The following DSCAM variants were observed in gnomAD, a reference collection of about 807,000 sequenced individuals.
DSCAM encodes cell adhesion molecule DSCAM.
A neutral mutation model predicts 217.7 loss-of-function variants in DSCAM; 47 were observed. That is an observed-to-expected ratio of 0.22 (90% CI 0.17 to 0.28). The LOEUF (loss-of-function observed/expected upper bound fraction) is 0.28. DSCAM is among the 10% of genes least tolerant of loss of function. The pLI is 1.00. For synonymous variants in DSCAM, 1,056 were observed against 1,015.3 expected (o/e 1.04, Z -0.76); for missense variants, 2,080 against 2,618.3 (o/e 0.79, Z 4.49).
chr21:40,133,948 T>C lies in DSCAM; in HGVS notation c.3468A>G (p.Glu1156=), dbSNP rs925652145. The part of the protein sequence containing the change: ...TQPSLELDGL[E]KYTNYSIQVL... ...CCTGGATGCTGTAGTTGGTGTACTT[T>C]TCCAGCCCGTCCAGCTCCAGTGAAG... Residue 1156 remains glutamate, a synonymous_variant, in exon 19 of 33, where the codon GAA becomes GAG. Coordinates refer to ENST00000400454, the MANE Select transcript of DSCAM (RefSeq NM_001389.5). 1.2e-5 allele frequency: 20 copies of C among 1,613,638 alleles called. No individual in the cohort carries two copies. The highest frequency in any genetic ancestry group is 5.1e-6 in the Non-Finnish European group (6 of 1,179,784).
At chr21:40,342,253 T>C (rs990462393) in intron 6 of DSCAM, among the ~76,000 whole-genome samples, 3 of 151,340 alleles carry the variant, frequency 2.0e-5, no homozygotes, top group Non-Finnish European at 3.0e-5. Context: ...AAGATTCCTA[T>C]AGAGATTATA....
chr21:40,749,301 A>G (rs2091204750), intron 1 of DSCAM, among the ~76,000 whole-genome samples: 2 of 152,176 alleles, frequency 1.3e-5, no homozygotes, highest in South Asian at 4.1e-4. Context: ...ATGGGGAAAA[A>G]AAACTATTTG....
At chr21:40,292,814 C>T (rs1324631122) in intron 10 of DSCAM, among the ~76,000 whole-genome samples, 1 of 152,016 alleles carries the variant, frequency 6.6e-6, no homozygotes, top group South Asian at 2.1e-4. Flanking sequence ...GTGATCTCAG[C>T]TCACTGTAAG....
intron 3 of DSCAM, among the ~76,000 whole-genome samples, chr21:40,373,722 C>G (rs1343824545): frequency 6.6e-6 from 1 of 152,170 alleles, no homozygotes; most frequent in Non-Finnish European, 1.5e-5. Flanking sequence ...AAGATTTTCC[C>G]TGGTTTGAGG....
intron 2 of DSCAM, among the ~76,000 whole-genome samples, chr21:40,697,718 C>T (rs2090610433): frequency 6.6e-6 from 1 of 152,190 alleles, no homozygotes; most frequent in South Asian, 2.1e-4. Flanking sequence ...CAGTACTATG[C>T]TATAGTATGC....
intron 27 of DSCAM, among the ~76,000 whole-genome samples, chr21:40,068,279 G>GT (rs1280604666): frequency 1.2e-4 from 18 of 152,126 alleles, no homozygotes; most frequent in African/African-American, 4.1e-4. Flanking sequence ...GTTACATTTG[G>GT]GTGGCGAGTG....
At chr21:40,398,320 C>T (rs561296179) in intron 3 of DSCAM, among the ~76,000 whole-genome samples, 2 of 152,310 alleles carry the variant, frequency 1.3e-5, no homozygotes, top group Admixed American at 1.3e-4. Context: ...AACCTACAGC[C>T]CGGATCCCTT....
intron 2 of DSCAM, among the ~76,000 whole-genome samples, chr21:40,699,170 C>T (rs2090628165): frequency 6.6e-6 from 1 of 152,060 alleles, no homozygotes; most frequent in African/African-American, 2.4e-5. Context: ...GATCATTGAT[C>T]AGTGATCTTT....
chr21:40,574,428 T>A (rs983354302), intron 3 of DSCAM, among the ~76,000 whole-genome samples: 1 of 152,192 alleles, frequency 6.6e-6, no homozygotes, highest in Non-Finnish European at 1.5e-5. Context: ...CAGCTTCTTT[T>A]ATGAGAAATA....
At chr21:40,240,349 G>GTTTTTTTTTTTTTTTTTTTT in intron 11 of DSCAM, among the ~76,000 whole-genome samples, 1 of 57,722 alleles carries the variant, frequency 1.7e-5, no homozygotes, top group Non-Finnish European at 3.1e-5. Context: ...TTCCTCACTG[G>GTTTTTTTTTTTTTTTTTTTT]TTTTTTTTTT....
intron 3 of DSCAM, among the ~76,000 whole-genome samples, chr21:40,431,725 T>C (rs1273167319): frequency 6.6e-6 from 1 of 152,226 alleles, no homozygotes; most frequent in Admixed American, 6.5e-5. Context: ...CAGTCAGCAG[T>C]AGGCTACTAT....
chr21:40,453,843 A>G (rs1219131011), intron 3 of DSCAM, among the ~76,000 whole-genome samples: 1 of 152,244 alleles, frequency 6.6e-6, no homozygotes, highest in Non-Finnish European at 1.5e-5. Context: ...CACTAACAAG[A>G]CTAAAAGGAA....
intron 3 of DSCAM, among the ~76,000 whole-genome samples, chr21:40,565,396 C>T (rs918748998): frequency 1.3e-5 from 2 of 152,158 alleles, no homozygotes; most frequent in Non-Finnish European, 2.9e-5. Context: ...TGACTCTAGC[C>T]TATCCACAGC....
At position 40,488,257 on chromosome 21, in the gene DSCAM, C is replaced by A. The variant is rs116309521; in HGVS notation, c.509-119012G>T. ...GAGCCCCAGCAGCAAAGCCCTTCCT[C>A]TCTGAGTTTCTGCTTCCGCAGCAAG... is the stretch of plus-strand genomic sequence containing the variant. On this transcript the variant is annotated intron_variant, in intron 3 of 32. Transcript: ENST00000400454. Among the ~76,000 whole-genome samples, 385 of 152,340 alleles carry A rather than the reference C, an allele frequency of 2.5e-3. 3 individuals are homozygous for A. The highest frequency in any genetic ancestry group is 8.9e-3 in the African/African-American group (370 of 41,576).
At chr21:40,064,465 G>A (rs1325679550) in intron 27 of DSCAM, among the ~76,000 whole-genome samples, 2 of 152,084 alleles carry the variant, frequency 1.3e-5, no homozygotes, top group East Asian at 1.9e-4. Context: ...AAGGAATTGC[G>A]GAGTCCAGCA....
At chr21:40,230,655 CTTAG>C (rs1309620853) in intron 11 of DSCAM, among the ~76,000 whole-genome samples, 2 of 152,078 alleles carry the variant, frequency 1.3e-5, no homozygotes, top group African/African-American at 4.8e-5. Flanking sequence ...TTTATTTTTA[CTTAG>C]TTAAAAATAT....
intron 3 of DSCAM, among the ~76,000 whole-genome samples, chr21:40,631,939 T>C (rs2089696753): frequency 6.6e-6 from 1 of 152,238 alleles, no homozygotes; most frequent in Non-Finnish European, 1.5e-5. Flanking sequence ...ACTGTCTGCA[T>C]GTTGGTGCTT....
chr21:40,683,611 G>C (rs1167041023), intron 3 of DSCAM, among the ~76,000 whole-genome samples: 5 of 152,156 alleles, frequency 3.3e-5, no homozygotes, highest in Admixed American at 3.3e-4. Context: ...CTGATGAAAA[G>C]AGGTCCTAGA....
At chr21:40,132,642 C>T (rs1346048743) in intron 19 of DSCAM, among the ~76,000 whole-genome samples, 2 of 152,142 alleles carry the variant, frequency 1.3e-5, no homozygotes, top group African/African-American at 4.8e-5. Context: ...GCAAAAACAC[C>T]AGGTGAGAGT....
Sources: allele counts gnomAD v4.1 joint callset (sites outside exome capture counted in the v4.1 genomes callset), GRCh38; gene constraint gnomAD v4.1.1; transcripts MANE v1.5; gene names NCBI Gene and HGNC (gene_info 2026-07-23, HGNC 2026-07-21).